RAB27B: variants seen among roughly 807,000 people sequenced by gnomAD.
The protein encoded by RAB27B is ras-related protein Rab-27B.
A neutral mutation model predicts 24.6 loss-of-function variants in RAB27B; 15 were observed. The ratio of observed to expected loss-of-function variants is 0.61; its 90% CI spans 0.41 to 0.94. The LOEUF is 0.94. Among genes scored for constraint, RAB27B ranks in the 40% least tolerant of loss-of-function variants. The pLI is 0.00. For synonymous variants in RAB27B, 105 were observed against 92.5 expected (o/e 1.14, Z -0.78); for missense variants, 261 against 266.8 (o/e 0.98, Z 0.15).
chr18:54,770,233 G>A (rs534009899), intron 2 of RAB27B, among the ~76,000 whole-genome samples: 1 of 152,256 alleles, frequency 6.6e-6, no homozygotes, highest in Admixed American at 6.5e-5. Context: ...TAGGAACAGG[G>A]CCACATAGCA....
intron 2 of RAB27B, among the ~76,000 whole-genome samples, chr18:54,785,808 T>C (rs945994044): frequency 6.6e-6 from 1 of 152,170 alleles, no homozygotes; most frequent in African/African-American, 2.4e-5. Context: ...TATGAACAGT[T>C]AGGGGCCAGC....
At chr18:54,860,408 A>T (rs1210295741) in intron 1 of RAB27B, among the ~76,000 whole-genome samples, 2 of 152,020 alleles carry the variant, frequency 1.3e-5, no homozygotes, top group Admixed American at 1.3e-4. Context: ...GTAACCAATG[A>T]CACTCGTGCA....
At chr18:54,773,537 C>T (rs1315077885) in intron 2 of RAB27B, among the ~76,000 whole-genome samples, 2 of 152,126 alleles carry the variant, frequency 1.3e-5, no homozygotes, top group Admixed American at 6.5e-5. Context: ...ACAGGTAGTC[C>T]TATCTTCCAA....
At chr18:54,795,205 C>G (rs746032982) in intron 2 of RAB27B, among the ~76,000 whole-genome samples, 2 of 152,134 alleles carry the variant, frequency 1.3e-5, no homozygotes, top group Admixed American at 1.3e-4. Flanking sequence ...TAGCTTGAGC[C>G]CCCCCACACC....
Position 54,757,548 on chromosome 18 carries a change from T to C in RAB27B, c.-20+39407T>C, listed in dbSNP as rs528412208. The stretch of plus-strand genomic sequence containing the variant: ...GAAAGCTGTTGATATCTAATTTTAT[T>C]TACAACCTCTTGTATATATAATGAA... On this transcript the variant is annotated intron_variant, in intron 2 of 4. Transcript: ENST00000586570. Among the ~76,000 whole-genome samples the C allele has an allele frequency of 1.1e-3, 173 of 152,326 alleles. 1 individual carries two copies. Among genetic ancestry groups the C allele is most frequent in the African/African-American group, 4.0e-3 (168 of 41,582 alleles).
At chr18:54,818,830 G>A (rs1910202413) in intron 2 of RAB27B, among the ~76,000 whole-genome samples, 1 of 152,034 alleles carries the variant, frequency 6.6e-6, no homozygotes, top group African/African-American at 2.4e-5. Flanking sequence ...TCCTAATCGT[G>A]TTTTTTAAAA....
chr18:54,884,755 T>C (rs1228462638), intron 4 of RAB27B, among the ~76,000 whole-genome samples: 1 of 152,220 alleles, frequency 6.6e-6, no homozygotes, highest in East Asian at 1.9e-4. Flanking sequence ...CCAGTAAGTC[T>C]TGAAGGACTT....
chr18:54,808,996 G>A (rs1909880060), intron 2 of RAB27B, among the ~76,000 whole-genome samples: 1 of 152,180 alleles, frequency 6.6e-6, no homozygotes, highest in Non-Finnish European at 1.5e-5. Flanking sequence ...CTTTTCCTTA[G>A]GAAAGACAGT....
At position 54,746,194 on chromosome 18, in the gene RAB27B, C is replaced by A. The variant is rs78681392; in HGVS notation, c.-20+28053C>A. 2.9e-3 allele frequency among the ~76,000 whole-genome samples: 437 copies of A among 152,208 alleles called. 4 individuals are homozygous for A. Among genetic ancestry groups the A allele is most frequent in the African/African-American group, 0.01 (418 of 41,522 alleles). On this transcript the variant is annotated intron_variant, in intron 2 of 4. Transcript: ENST00000586570. Reference sequence around the variant, plus strand: ...CCTCTAAAAATGAAATAGTCCACAACTGAAGAAAAACTTGAAGATTACGCC... The same window carrying A: ...CCTCTAAAAATGAAATAGTCCACAAATGAAGAAAAACTTGAAGATTACGCC...
intron 3 of RAB27B, among the ~76,000 whole-genome samples, chr18:54,881,645 G>T (rs1254728705): frequency 6.6e-6 from 1 of 152,146 alleles, no homozygotes; most frequent in East Asian, 1.9e-4. Context: ...GGTTTCACTG[G>T]TTCCTCCACC....
At chr18:54,768,548 C>G (rs145775641) in intron 2 of RAB27B, among the ~76,000 whole-genome samples, 1 of 152,072 alleles carries the variant, frequency 6.6e-6, no homozygotes, top group Non-Finnish European at 1.5e-5. Context: ...ACTACCTTCT[C>G]AAGGTAATCA....
intron 3 of RAB27B, 99 bp from the exon 4 acceptor site, chr18:54,884,234 T>C: frequency 1.4e-6 from 1 of 706,334 alleles, no homozygotes; most frequent in South Asian, 1.7e-5. Flanking sequence ...TAAGGGCCAG[T>C]CACGGAGAAT....
chr18:54,720,613 T>A (rs1179683000), intron 2 of RAB27B, among the ~76,000 whole-genome samples: 2 of 152,022 alleles, frequency 1.3e-5, no homozygotes, highest in African/African-American at 4.8e-5. Context: ...ATCAGCAAAA[T>A]TATTCTAGTA....
chr18:54,887,916 A>G (rs1913209889), intron 4 of RAB27B, 79 bp from the exon 5 acceptor site: 6 of 1,509,184 alleles, frequency 4.0e-6, no homozygotes, highest in Non-Finnish European at 5.4e-6. Flanking sequence ...CAATTAGATC[A>G]GGAATCTGGA....
intron 2 of RAB27B, among the ~76,000 whole-genome samples, chr18:54,794,329 T>A (rs1175152174): frequency 1.3e-5 from 2 of 152,226 alleles, no homozygotes; most frequent in African/African-American, 2.4e-5. Context: ...ATTTGCATAT[T>A]TTTCTGAGTG....
intron 1 of RAB27B, among the ~76,000 whole-genome samples, chr18:54,838,547 T>C (rs1910984783): frequency 6.6e-6 from 1 of 152,192 alleles, no homozygotes; most frequent in Non-Finnish European, 1.5e-5. Flanking sequence ...CTTGTTCGAT[T>C]GAGATATTCT....
chr18:54,814,805 A>T (rs1017324642), intron 2 of RAB27B, among the ~76,000 whole-genome samples: 1 of 152,340 alleles, frequency 6.6e-6, no homozygotes, highest in East Asian at 1.9e-4. Flanking sequence ...ACTTGAGTAT[A>T]TATACTACAA....
chr18:54,865,279 T>C (rs1912171902), intron 1 of RAB27B, among the ~76,000 whole-genome samples: 1 of 119,908 alleles, frequency 8.3e-6, no homozygotes, highest in African/African-American at 3.1e-5. Context: ...GTGTGTCCTT[T>C]TTCTCTTCAT....
intron 1 of RAB27B, among the ~76,000 whole-genome samples, chr18:54,851,697 G>T (rs1212395705): frequency 6.6e-6 from 1 of 150,592 alleles, no homozygotes; most frequent in Non-Finnish European, 1.5e-5. Context: ...TTTTTTTTCT[G>T]CATTGGAATC....
Sources: gnomAD v4.1 joint callset for allele counts (sites outside exome capture counted in the v4.1 genomes callset) on GRCh38, gnomAD v4.1.1 for gene constraint, MANE v1.5 for transcripts, NCBI Gene and HGNC (gene_info 2026-07-23, HGNC 2026-07-21) for gene names.